The following ABCA13 variants were observed in gnomAD, a reference collection of about 807,000 sequenced individuals.
ABCA13 encodes the protein ATP-binding cassette sub-family A member 13.
Under a neutral mutation model 478.7 loss-of-function variants are expected in ABCA13, and 476 were observed. That is an observed-to-expected ratio of 0.99 (90% confidence interval 0.92 to 1.07). ABCA13 has a LOEUF of 1.07. ABCA13 is among the 50% of genes least tolerant of loss of function. ABCA13 has a pLI of 0.00. For missense variants in ABCA13, 6,060 were observed against 5,910.6 expected, an observed-to-expected ratio of 1.03 and a Z score of -0.83; for synonymous variants, 2,252 against 2,158.9, an observed-to-expected ratio of 1.04 and a Z score of -1.20.
At chr7:48,356,492 A>T (rs1809945306) in intron 31 of ABCA13, among the ~76,000 whole-genome samples, 1 of 151,732 alleles carries the variant, frequency 6.6e-6, no homozygotes, top group South Asian at 2.1e-4. Flanking sequence ...TGAATTAGTC[A>T]AGGGGAAGAG....
chr7:48,564,108 G>A (rs56205257), intron 55 of ABCA13, among the ~76,000 whole-genome samples: 21,037 of 151,800 alleles, frequency 0.14, 1,826 homozygotes, highest in African/African-American at 0.23. Context: ...CATGGCATGA[G>A]ACTAGAAGTG....
At chr7:48,333,912 T>A (rs1370425932) in intron 27 of ABCA13, among the ~76,000 whole-genome samples, 1 of 152,222 alleles carries the variant, frequency 6.6e-6, no homozygotes, top group African/African-American at 2.4e-5. Context: ...GTGCTTGTTG[T>A]GGTTCCTCTA....
At chr7:48,205,594 C>T (rs1056028327) in intron 3 of ABCA13, among the ~76,000 whole-genome samples, 11 of 152,308 alleles carry the variant, frequency 7.2e-5, no homozygotes, top group Middle Eastern at 3.4e-3. Flanking sequence ...GTAAGTGTAA[C>T]AACCTTGTTG....
chr7:48,525,670 CTTTTTTTTTTT>C (rs538127881), intron 54 of ABCA13, among the ~76,000 whole-genome samples: 2 of 68,336 alleles, frequency 2.9e-5, no homozygotes, highest in Non-Finnish European at 5.7e-5. Flanking sequence ...TTTAGATGCG[CTTTTTTTTTTT>C]TTTTTTTTTT....
chr7:48,545,305 C>T (rs1287880876), intron 55 of ABCA13, among the ~76,000 whole-genome samples: 1 of 151,662 alleles, frequency 6.6e-6, no homozygotes, highest in Non-Finnish European at 1.5e-5. Context: ...AATAGGAAAA[C>T]ATTAATTTCT....
At chr7:48,541,717 G>T (rs1016668820) in intron 55 of ABCA13, among the ~76,000 whole-genome samples, 1 of 149,220 alleles carries the variant, frequency 6.7e-6, no homozygotes, top group African/African-American at 2.4e-5. Flanking sequence ...AAGAAAAAGA[G>T]ATATATATAT....
intron 45 of ABCA13, among the ~76,000 whole-genome samples, chr7:48,477,944 T>C (rs1325475824): frequency 6.6e-6 from 1 of 151,954 alleles, no homozygotes; most frequent in African/African-American, 2.4e-5. Context: ...CCTGAATTCT[T>C]GATAATAATT....
At chr7:48,326,772 C>T (rs542746806) in intron 27 of ABCA13, among the ~76,000 whole-genome samples, 2 of 152,268 alleles carry the variant, frequency 1.3e-5, no homozygotes, top group South Asian at 4.1e-4. Context: ...CTATTTCTGC[C>T]TCAGAGGAAC....
intron 1 of ABCA13, among the ~76,000 whole-genome samples, chr7:48,183,142 A>G (rs150017249): frequency 6.6e-6 from 1 of 152,256 alleles, no homozygotes; most frequent in Non-Finnish European, 1.5e-5. Flanking sequence ...CTCTCAGCCA[A>G]CGAGATCTTC....
chr7:48,430,295 T>G (rs1390992430), intron 42 of ABCA13, among the ~76,000 whole-genome samples: 1 of 152,228 alleles, frequency 6.6e-6, no homozygotes, highest in Non-Finnish European at 1.5e-5. Context: ...ATCTGTCCAT[T>G]TCATTTCAGT....
intron 31 of ABCA13, among the ~76,000 whole-genome samples, chr7:48,359,602 G>C (rs1247645485): frequency 2.0e-5 from 3 of 151,962 alleles, no homozygotes; most frequent in African/African-American, 7.3e-5. Flanking sequence ...GACTGGTCCT[G>C]GGCAGTAGTG....
intron 24 of ABCA13, 78 bp downstream of exon 24, chr7:48,310,219 A>C: frequency 6.8e-7 from 1 of 1,480,914 alleles, no homozygotes; most frequent in East Asian, 2.3e-5. Flanking sequence ...CAGTAGTCCT[A>C]GGGGTGCGGC....
At position 48,224,059 on chromosome 7, in the gene ABCA13, A is replaced by G. The variant is rs188484918; in HGVS notation, c.468+2750A>G. 1.3e-3 allele frequency among the ~76,000 whole-genome samples: 202 copies of G among 152,010 alleles called. 1 individual carries two copies. Among genetic ancestry groups the G allele is most frequent in the Admixed American group, 1.9e-3 (29 of 15,280 alleles). On this transcript the variant is annotated intron_variant, in intron 5 of 61. Transcript: ENST00000435803. ...AAGATGGTAGGCTGTGAAGCAGTGA[A>G]GTATGGGGTGGAAGCTGCTGGGCAT...
chr7:48,280,228 T>A (rs1404222132), intron 18 of ABCA13, among the ~76,000 whole-genome samples: 1 of 152,198 alleles, frequency 6.6e-6, no homozygotes, highest in African/African-American at 2.4e-5. Context: ...CATAAACAAT[T>A]TTTCTGTTCA....
chr7:48,190,532 T>G (rs138387757), intron 1 of ABCA13, among the ~76,000 whole-genome samples: 5,845 of 152,228 alleles, frequency 0.038, 203 homozygotes, highest in Admixed American at 0.11. Flanking sequence ...ATAGAAAAAA[T>G]TTAGAAACAC....
At chr7:48,301,298 C>T (rs970680704) in intron 23 of ABCA13, among the ~76,000 whole-genome samples, 20 of 151,822 alleles carry the variant, frequency 1.3e-4, no homozygotes, top group Middle Eastern at 3.2e-3. Flanking sequence ...GTCAAATTTC[C>T]TTATCTCACT....
intron 24 of ABCA13, among the ~76,000 whole-genome samples, chr7:48,311,793 C>A (rs1801820618): frequency 6.6e-6 from 1 of 152,208 alleles, no homozygotes; most frequent in Non-Finnish European, 1.5e-5. Context: ...CATGTGAGGG[C>A]CACGTGCAGG....
At chr7:48,523,458 C>T (rs1366138922) in intron 53 of ABCA13, among the ~76,000 whole-genome samples, 1 of 151,856 alleles carries the variant, frequency 6.6e-6, no homozygotes, top group African/African-American at 2.4e-5. Flanking sequence ...CCCAGCTTCT[C>T]CCAATGATAA....
At chr7:48,352,637 T>C in intron 31 of ABCA13, 150 bp downstream of exon 31, 1 of 845,572 alleles carries the variant, frequency 1.2e-6, no homozygotes, top group Non-Finnish European at 1.8e-6. Context: ...AGGTTCATTT[T>C]TTTTATATGC....
Sources: gnomAD v4.1 joint callset for allele counts (sites outside exome capture counted in the v4.1 genomes callset) on GRCh38, gnomAD v4.1.1 for gene constraint, MANE v1.5 for transcripts, NCBI Gene and HGNC (gene_info 2026-07-23, HGNC 2026-07-21) for gene names.